The following XKR4 variants were observed in gnomAD, a reference collection of about 807,000 sequenced individuals.
XKR4 encodes the protein XK-related protein 4.
In XKR4, 12 loss-of-function variants were observed where a neutral mutation model predicts 53.9. The ratio of observed to expected loss-of-function variants is 0.22; its 90% CI spans 0.14 to 0.36. The LOEUF (loss-of-function observed/expected upper bound fraction) is 0.36. Among genes scored for constraint, XKR4 ranks in the 10% least tolerant of loss-of-function variants. The pLI, the probability that XKR4 is intolerant of heterozygous loss-of-function variation, is 1.00. For missense variants in XKR4, 799 were observed against 859.5 expected (o/e 0.93, Z 0.88); for synonymous variants, 354 against 362.4 (o/e 0.98, Z 0.26).
chr8:55,384,167 T>C (rs1804275399), intron 2 of XKR4, among the ~76,000 whole-genome samples: 1 of 152,156 alleles, frequency 6.6e-6, no homozygotes, highest in African/African-American at 2.4e-5. Context: ...GGAAGGACAA[T>C]CTGTCCTGTG....
At chr8:55,265,010 C>A (rs1019142856) in intron 1 of XKR4, among the ~76,000 whole-genome samples, 7 of 152,182 alleles carry the variant, frequency 4.6e-5, no homozygotes, top group African/African-American at 7.2e-5. Context: ...CCATATGCAT[C>A]ATCTTAAATT....
chr8:55,477,942 A>T (rs1373319653), intron 2 of XKR4, among the ~76,000 whole-genome samples: 1 of 152,172 alleles, frequency 6.6e-6, no homozygotes, highest in African/African-American at 2.4e-5. Flanking sequence ...GTTTACTTGA[A>T]AGTGATGGGG....
intron 1 of XKR4, among the ~76,000 whole-genome samples, chr8:55,282,268 A>G (rs2129374019): frequency 6.6e-6 from 1 of 152,334 alleles, no homozygotes; most frequent in East Asian, 1.9e-4. Flanking sequence ...TTGTGACATC[A>G]TGGCCATCAT....
intron 2 of XKR4, among the ~76,000 whole-genome samples, chr8:55,421,019 C>G (rs952891029): frequency 6.6e-6 from 1 of 152,150 alleles, no homozygotes; most frequent in African/African-American, 2.4e-5. Context: ...ATGCTACTTT[C>G]ACTTTATAAC....
chr8:55,347,425 A>T (rs184469694), intron 1 of XKR4, among the ~76,000 whole-genome samples: 117 of 152,340 alleles, frequency 7.7e-4, no homozygotes, highest in Non-Finnish European at 1.4e-3. Context: ...TTTCATGCAC[A>T]TCTTCAAAAA....
chr8:55,336,335 C>T (rs1563327042), intron 1 of XKR4, among the ~76,000 whole-genome samples: 1 of 152,164 alleles, frequency 6.6e-6, no homozygotes, highest in South Asian at 2.1e-4. Flanking sequence ...TTGCCTCCCG[C>T]CACAATTCTG....
chr8:55,336,041 CAAAAAA>C (rs34885296), intron 1 of XKR4, among the ~76,000 whole-genome samples: 11 of 113,698 alleles, frequency 9.7e-5, no homozygotes, highest in African/African-American at 2.9e-4. Context: ...AACTCTATAC[CAAAAAA>C]AAAAAAAAAA....
chr8:55,358,004 T>C (rs898430273), intron 2 of XKR4, 127 bp downstream of exon 2: 3 of 924,666 alleles, frequency 3.2e-6, no homozygotes, highest in Admixed American at 5.6e-5. Flanking sequence ...GTTTTACATG[T>C]GTTTCGTGAA....
intron 1 of XKR4, among the ~76,000 whole-genome samples, chr8:55,240,640 A>G (rs914338010): frequency 2.0e-5 from 3 of 152,234 alleles, no homozygotes; most frequent in Non-Finnish European, 2.9e-5. Context: ...GCATGAGCCT[A>G]TAAGGAATAT....
At chr8:55,368,808 G>A (rs1344667911) in intron 2 of XKR4, among the ~76,000 whole-genome samples, 1 of 152,210 alleles carries the variant, frequency 6.6e-6, no homozygotes, top group Non-Finnish European at 1.5e-5. Context: ...AGCTACTTCA[G>A]TTTGTATTGG....
intron 1 of XKR4, among the ~76,000 whole-genome samples, chr8:55,118,996 T>C (rs755365835): frequency 1.3e-5 from 2 of 152,170 alleles, no homozygotes; most frequent in Non-Finnish European, 2.9e-5. Flanking sequence ...CATGTAGTTA[T>C]ATAGGTTAGG....
intron 1 of XKR4, among the ~76,000 whole-genome samples, chr8:55,130,018 T>C (rs191880769): frequency 5.1e-4 from 78 of 152,214 alleles, no homozygotes; most frequent in African/African-American, 1.7e-3. Flanking sequence ...GGGGTGTGGG[T>C]AGAGCAGGAT....
rs908459601 is a variant in XKR4 at position 55,144,407 on chromosome 8, C to T, written c.806+41113C>T. Among the ~76,000 whole-genome samples, 15 of 152,068 alleles carry T rather than the reference C, an allele frequency of 9.9e-5. 1 individual carries two copies. Among genetic ancestry groups the T allele is most frequent in the Admixed American group, 7.8e-4 (12 of 15,290 alleles). ...AAAAATTCTATAATAAGAAAGCCAA[C>T]AGCACAAGCCCACCTAGAAATAGTG... is the stretch of plus-strand genomic sequence containing the variant. On this transcript the variant is annotated intron_variant, in intron 1 of 2. Transcript: ENST00000327381.
intron 1 of XKR4, among the ~76,000 whole-genome samples, chr8:55,292,786 T>A (rs905247168): frequency 1.3e-5 from 2 of 152,214 alleles, no homozygotes; most frequent in Admixed American, 6.5e-5. Context: ...AATTTTCCTC[T>A]CAGTACTGTG....
intron 1 of XKR4, among the ~76,000 whole-genome samples, chr8:55,251,937 A>T (rs1487629768): frequency 6.6e-6 from 1 of 152,174 alleles, no homozygotes; most frequent in Non-Finnish European, 1.5e-5. Flanking sequence ...TTTATTTGTC[A>T]TTATTGGCCA....
At chr8:55,500,532 C>T (rs952680674) in intron 2 of XKR4, among the ~76,000 whole-genome samples, 1 of 152,168 alleles carries the variant, frequency 6.6e-6, no homozygotes, top group Non-Finnish European at 1.5e-5. Context: ...TAGGATCTTA[C>T]AGTCTAGCTC....
intron 1 of XKR4, among the ~76,000 whole-genome samples, chr8:55,305,144 C>T (rs1181846334): frequency 3.9e-5 from 6 of 152,148 alleles, no homozygotes; most frequent in Non-Finnish European, 1.5e-5. Flanking sequence ...ACTGGCCTTA[C>T]ATAGCTATAC....
chr8:55,374,754 C>A (rs766699198), intron 2 of XKR4, among the ~76,000 whole-genome samples: 12 of 152,122 alleles, frequency 7.9e-5, no homozygotes, highest in Non-Finnish European at 1.6e-4. Flanking sequence ...GGGCACACAG[C>A]AGAACACATC....
chr8:55,154,712 CT>C (rs1382343237), intron 1 of XKR4, among the ~76,000 whole-genome samples: 1 of 152,152 alleles, frequency 6.6e-6, no homozygotes, highest in East Asian at 1.9e-4. Flanking sequence ...CAACCCTGCA[CT>C]TTAATAGAGA....
Sources: allele counts gnomAD v4.1 joint callset (sites outside exome capture counted in the v4.1 genomes callset), GRCh38; gene constraint gnomAD v4.1.1; transcripts MANE v1.5; gene names NCBI Gene and HGNC (gene_info 2026-07-23, HGNC 2026-07-21).